KANSL1: variants seen among roughly 807,000 people sequenced by gnomAD.
KANSL1 encodes the protein KAT8 regulatory NSL complex subunit 1.
KANSL1 carries 22 observed loss-of-function variants against 103.6 expected under a neutral mutation model. The observed-to-expected ratio is 0.21, with a 90% CI of 0.15 to 0.30. The LOEUF (loss-of-function observed/expected upper bound fraction) is 0.30. Ranked by LOEUF, KANSL1 falls within the 10% of genes least tolerant of loss-of-function variation. The pLI is 1.00. For missense variants in KANSL1, 1,337 were observed against 1,399.8 expected (o/e 0.96, Z 0.72); for synonymous variants, 600 against 527.6 (o/e 1.14, Z -1.88).
intron 2 of KANSL1, among the ~76,000 whole-genome samples, chr17:46,123,635 T>G (rs192175611): frequency 6.6e-6 from 1 of 152,216 alleles, no homozygotes; most frequent in African/African-American, 2.4e-5. Context: ...CAACATTCCA[T>G]TAAACTGAAA....
intron 2 of KANSL1, among the ~76,000 whole-genome samples, chr17:46,127,674 A>C (rs1450429820): frequency 6.6e-6 from 1 of 152,012 alleles, no homozygotes; most frequent in Non-Finnish European, 1.5e-5. Flanking sequence ...GCTACTTGGG[A>C]GGCTGAGGTG....
chr17:46,123,717 G>A (rs184736619), intron 2 of KANSL1, among the ~76,000 whole-genome samples: 2 of 152,336 alleles, frequency 1.3e-5, no homozygotes, highest in Admixed American at 1.3e-4. Context: ...AGCTGCAGAA[G>A]CAAAGTCTGA....
At chr17:46,123,726 G>A (rs968307789) in intron 2 of KANSL1, among the ~76,000 whole-genome samples, 3 of 152,208 alleles carry the variant, frequency 2.0e-5, no homozygotes, top group Non-Finnish European at 2.9e-5. Context: ...AGCAAAGTCT[G>A]AAGATGACGG....
rs771605434 is a variant in KANSL1, at chr17:46,034,231, C to T, written c.2596G>A (p.Val866Ile). Reference protein sequence around the residue: ...GESSFDINNIVIPMSVAATTR... With the variant: ...GESSFDINNIIIPMSVAATTR... ...GTTGCAGCAACAGACATTGGGATGA[C>T]AATGTTGTTAATATCAAATGAGCTC... Residue 866 changes from valine to isoleucine, a missense_variant, in exon 11 of 15, where the codon GTC becomes ATC. By Grantham distance (29) the Val-to-Ile change is conservative. Coordinates refer to ENST00000432791, the MANE Select transcript of KANSL1 (RefSeq NM_015443.4). 1 of 1,614,054 alleles carries T rather than the reference C, an allele frequency of 6.2e-7. No individual in the cohort carries two copies. Among genetic ancestry groups the T allele is most frequent in the Non-Finnish European group, 8.5e-7 (1 of 1,179,948 alleles).
chr17:46,045,036 C>G (rs955285514), intron 7 of KANSL1: 1 of 151,936 alleles, frequency 6.6e-6, no homozygotes, highest in Non-Finnish European at 1.5e-5. Context: ...AGTTGGAAAT[C>G]CTGCCACTTT....
intron 2 of KANSL1, among the ~76,000 whole-genome samples, chr17:46,131,876 C>A (rs2043879706): frequency 6.6e-6 from 1 of 152,208 alleles, no homozygotes; most frequent in African/African-American, 2.4e-5. Flanking sequence ...TGCCTGTAAT[C>A]CCAGCACTTT....
intron 2 of KANSL1, chr17:46,170,590 CAT>C (rs1301177568): frequency 2.1e-6 from 1 of 484,618 alleles, no homozygotes; most frequent in African/African-American, 2.0e-5. Flanking sequence ...CAATTTTACA[CAT>C]AAGATGTCTC....
intron 2 of KANSL1, among the ~76,000 whole-genome samples, chr17:46,135,957 T>C (rs556700686): frequency 5.3e-5 from 8 of 152,288 alleles, no homozygotes; most frequent in Admixed American, 3.9e-4. Context: ...ATTTCATCAT[T>C]TTGAAGATCT....
intron 3 of KANSL1, among the ~76,000 whole-genome samples, chr17:46,083,755 T>A (rs1031351531): frequency 6.6e-6 from 1 of 152,040 alleles, no homozygotes; most frequent in African/African-American, 2.4e-5. Context: ...ACTTGTAAAG[T>A]TGAAAAACAC....
At chr17:46,122,035 T>C (rs2147194486) in intron 2 of KANSL1, among the ~76,000 whole-genome samples, 1 of 152,282 alleles carries the variant, frequency 6.6e-6, no homozygotes, top group African/African-American at 2.4e-5. Flanking sequence ...CAAAGTACAG[T>C]TTCCAGTTTT....
At chr17:46,159,767 T>C (rs143350596) in intron 2 of KANSL1, among the ~76,000 whole-genome samples, 172 of 152,368 alleles carry the variant, frequency 1.1e-3, no homozygotes, top group African/African-American at 4.0e-3. Context: ...ACATAAGATA[T>C]AAATCATCCC....
Position 46,031,325 on chromosome 17 carries a change from G to T in KANSL1, c.*151C>A. 1.3e-6 allele frequency: 1 copy of T among 764,526 alleles called. No homozygotes were observed. The allele number at this position is 764,526 out of a possible 1,614,324, so 47.4% of individuals were successfully genotyped here. Reference sequence around the variant, plus strand: ...AAAAACAAAACAAAAATTAAAACAAGAAAAAAAAATACCAAAGTAGGATCT... The same window carrying T: ...AAAAACAAAACAAAAATTAAAACAATAAAAAAAAATACCAAAGTAGGATCT... On this transcript the variant is annotated 3_prime_UTR_variant, in exon 15 of 15. Coordinates refer to ENST00000432791, the MANE Select transcript of KANSL1 (RefSeq NM_015443.4).
chr17:46,204,715 A>C (rs1189602019), intron 1 of KANSL1, among the ~76,000 whole-genome samples: 1 of 152,240 alleles, frequency 6.6e-6, no homozygotes, highest in Non-Finnish European at 1.5e-5. Flanking sequence ...AAGCAAAATG[A>C]ATCCAGCAAC....
At position 46,031,470 on chromosome 17, in the gene KANSL1, T is replaced by G. The variant is rs2077003277; in HGVS notation, c.*6A>C. 6.3e-7 allele frequency: 1 copy of G among 1,593,992 alleles called. No individual in the cohort carries two copies. Among genetic ancestry groups the G allele is most frequent in the African/African-American group, 1.3e-5 (1 of 74,726 alleles). ...TAGTGAGTCTGTTTAGATGGCTGTC[T>G]CCCGCTCATCTGTGAGTCGGGCGCT... On this transcript the variant is annotated 3_prime_UTR_variant, in exon 15 of 15. Coordinates refer to ENST00000432791, the MANE Select transcript of KANSL1 (RefSeq NM_015443.4).
At chr17:46,141,632 G>A (rs1003729765) in intron 2 of KANSL1, among the ~76,000 whole-genome samples, 1 of 152,208 alleles carries the variant, frequency 6.6e-6, no homozygotes, top group African/African-American at 2.4e-5. Context: ...AGAACAAAAT[G>A]CCCAAGAATA....
intron 2 of KANSL1, among the ~76,000 whole-genome samples, chr17:46,107,282 C>A (rs944208238): frequency 6.6e-6 from 1 of 152,206 alleles, no homozygotes; most frequent in Non-Finnish European, 1.5e-5. Flanking sequence ...TTTCTTTTTA[C>A]GGCAAATACT....
intron 2 of KANSL1, among the ~76,000 whole-genome samples, chr17:46,142,659 TTCAC>T (rs1434820363): frequency 1.2e-4 from 18 of 152,248 alleles, no homozygotes; most frequent in African/African-American, 3.9e-4. Flanking sequence ...AATGTTCAAC[TTCAC>T]TAATACTTTC....
At chr17:46,136,650 C>T (rs2044158303) in intron 2 of KANSL1, among the ~76,000 whole-genome samples, 1 of 152,144 alleles carries the variant, frequency 6.6e-6, no homozygotes, top group African/African-American at 2.4e-5. Flanking sequence ...CACCTAGGTT[C>T]CACGTTTCCA....
At chr17:46,118,877 A>C (rs1436286011) in intron 2 of KANSL1, among the ~76,000 whole-genome samples, 1 of 152,186 alleles carries the variant, frequency 6.6e-6, no homozygotes, top group Non-Finnish European at 1.5e-5. Context: ...GCTAGTCCAA[A>C]TTTTCTATTC....
Sources: allele counts gnomAD v4.1 joint callset (sites outside exome capture counted in the v4.1 genomes callset), GRCh38; gene constraint gnomAD v4.1.1; transcripts MANE v1.5; gene names NCBI Gene and HGNC (gene_info 2026-07-23, HGNC 2026-07-21).